TBC1D22A: variants seen among roughly 807,000 people sequenced by gnomAD.
The protein encoded by TBC1D22A is putative GTPase activator.
TBC1D22A carries 38 observed loss-of-function variants against 60.2 expected under a neutral mutation model. The observed-to-expected ratio is 0.63, with a 90% CI of 0.49 to 0.83. The LOEUF (loss-of-function observed/expected upper bound fraction) is 0.83, where lower values mean the gene tolerates loss of function less well. Among genes scored for constraint, TBC1D22A ranks in the 40% least tolerant of loss-of-function variants. The pLI is 0.00. For synonymous variants in TBC1D22A, 302 were observed against 281.7 expected, an observed-to-expected ratio of 1.07 and a Z score of -0.72; for missense variants, 628 against 701.0, an observed-to-expected ratio of 0.90 and a Z score of 1.18.
chr22:46,840,747 A>G (rs1376744008), intron 4 of TBC1D22A, among the ~76,000 whole-genome samples: 1 of 151,696 alleles, frequency 6.6e-6, no homozygotes, highest in Non-Finnish European at 1.5e-5. Flanking sequence ...AAAAAAAAAA[A>G]GACAAATGAT....
chr22:46,950,239 G>A (rs2072816874), intron 8 of TBC1D22A, among the ~76,000 whole-genome samples: 1 of 152,168 alleles, frequency 6.6e-6, no homozygotes, highest in Non-Finnish European at 1.5e-5. Context: ...GAGTGAGAGG[G>A]TAGTTGAAGA....
intron 4 of TBC1D22A, among the ~76,000 whole-genome samples, chr22:46,873,507 A>AATTG (rs1340712282): frequency 6.6e-6 from 1 of 152,178 alleles, no homozygotes; most frequent in Non-Finnish European, 1.5e-5. Context: ...TTAATTAATT[A>AATTG]ATTTACTTAT....
intron 11 of TBC1D22A, among the ~76,000 whole-genome samples, chr22:47,110,466 G>A (rs1327456323): frequency 2.0e-5 from 3 of 152,216 alleles, no homozygotes; most frequent in South Asian, 4.2e-4. Context: ...GCAACAGAGC[G>A]AAATTCCATC....
intron 1 of TBC1D22A, among the ~76,000 whole-genome samples, chr22:46,771,841 C>T (rs1028794309): frequency 6.6e-5 from 10 of 151,924 alleles, no homozygotes; most frequent in Admixed American, 1.3e-4. Context: ...GTGATCCACC[C>T]GCCTCGGCCT....
intron 1 of TBC1D22A, among the ~76,000 whole-genome samples, chr22:46,768,948 G>A (rs971943322): frequency 6.6e-6 from 1 of 151,970 alleles, no homozygotes; most frequent in Non-Finnish European, 1.5e-5. Flanking sequence ...ACAAAAAATA[G>A]CTGGACATTG....
Position 46,797,599 on chromosome 22 carries a change from G to C in TBC1D22A, c.616G>C (p.Ala206Pro), listed in dbSNP as rs771476540. Residue 206 changes from alanine to proline, a missense_variant, in exon 4 of 13, where the codon GCC becomes CCC. By Grantham distance (27) the Ala-to-Pro change is conservative. Coordinates refer to ENST00000337137, the MANE Select transcript of TBC1D22A (RefSeq NM_014346.5). Reference protein sequence around the residue: ...SRLDKFKQLLAGPNTDLEELR... With the variant: ...SRLDKFKQLLPGPNTDLEELR... ...GCTCGACAAGTTCAAGCAGCTGCTT[G>C]CCGGCCCCAACACGGACCTTGGTAA... is the stretch of plus-strand genomic sequence containing the variant. 1 of 1,609,456 alleles carries C rather than the reference G, an allele frequency of 6.2e-7. No homozygotes were observed. Among genetic ancestry groups the C allele is most frequent in the South Asian group, 1.1e-5 (1 of 90,856 alleles).
intron 8 of TBC1D22A, among the ~76,000 whole-genome samples, chr22:46,924,767 A>C (rs558298555): frequency 5.4e-4 from 82 of 152,160 alleles, no homozygotes; most frequent in South Asian, 1.2e-3. Flanking sequence ...AAAAACAAAA[A>C]CATTATATTC....
At chr22:47,059,581 C>T (rs1015090257) in intron 11 of TBC1D22A, among the ~76,000 whole-genome samples, 5 of 152,258 alleles carry the variant, frequency 3.3e-5, no homozygotes, top group Middle Eastern at 3.4e-3. Flanking sequence ...TTGAAGGATT[C>T]CTTAAATTAT....
At chr22:46,963,067 A>G (rs2148065529) in intron 8 of TBC1D22A, among the ~76,000 whole-genome samples, 1 of 151,734 alleles carries the variant, frequency 6.6e-6, no homozygotes, top group South Asian at 2.1e-4. Flanking sequence ...ACAAAAAAAA[A>G]AAAATTAGCT....
rs1027250552 is a variant in TBC1D22A at position 47,062,036 on chromosome 22, C to T, written c.1329+24838C>T. 1.4e-4 allele frequency among the ~76,000 whole-genome samples: 20 copies of T among 144,024 alleles called. No individual in the cohort carries two copies. In the Admixed American group the frequency reaches 1.5e-3, roughly 10 times the overall value. The allele number at this position is 144,024 out of a possible 152,430, so 94.5% of individuals were successfully genotyped here. On this transcript the variant is annotated intron_variant, in intron 11 of 12. Transcript: ENST00000337137. ...CTGGGAGGCAGAGGTTGCAGTGAGC[C>T]CAGATCGCTCTGCTGCACTCCAGCC...
chr22:47,171,806 T>G (rs1476910198), intron 12 of TBC1D22A, among the ~76,000 whole-genome samples: 2 of 152,140 alleles, frequency 1.3e-5, no homozygotes, highest in Non-Finnish European at 2.9e-5. Flanking sequence ...TCAGTGGACG[T>G]AGGTCAGTCT....
At chr22:46,891,004 T>C (rs1016854677) in intron 5 of TBC1D22A, among the ~76,000 whole-genome samples, 3 of 152,018 alleles carry the variant, frequency 2.0e-5, no homozygotes, top group African/African-American at 7.3e-5. Flanking sequence ...TCCAGGTGAG[T>C]GGGGAGGGCC....
chr22:46,958,552 T>C (rs1466170781), intron 8 of TBC1D22A, among the ~76,000 whole-genome samples: 1 of 152,060 alleles, frequency 6.6e-6, no homozygotes, highest in African/African-American at 2.4e-5. Flanking sequence ...TGATGCAGAG[T>C]TAATTCTCCA....
chr22:46,836,811 A>C (rs2086542616), intron 4 of TBC1D22A, among the ~76,000 whole-genome samples: 1 of 152,160 alleles, frequency 6.6e-6, no homozygotes, highest in African/African-American at 2.4e-5. Context: ...ATGATAACAA[A>C]AGAGAGCAGG....
chr22:46,858,419 C>T (rs1031992249), intron 4 of TBC1D22A, among the ~76,000 whole-genome samples: 11 of 151,926 alleles, frequency 7.2e-5, no homozygotes, highest in Admixed American at 4.6e-4. Flanking sequence ...CGACAGCAGG[C>T]AAGCCGCCCT....
At chr22:46,836,921 G>A (rs2147188495) in intron 4 of TBC1D22A, among the ~76,000 whole-genome samples, 1 of 152,150 alleles carries the variant, frequency 6.6e-6, no homozygotes, top group Admixed American at 6.5e-5. Flanking sequence ...TGCTTTGGGA[G>A]GCTGAGGTGG....
At chr22:46,994,261 T>G (rs2075045474) in intron 9 of TBC1D22A, among the ~76,000 whole-genome samples, 1 of 152,218 alleles carries the variant, frequency 6.6e-6, no homozygotes, top group Non-Finnish European at 1.5e-5. Context: ...AATCCTGTCT[T>G]AGTGGGAGAG....
intron 10 of TBC1D22A, among the ~76,000 whole-genome samples, chr22:46,999,378 C>G (rs2075233340): frequency 6.6e-6 from 1 of 152,218 alleles, no homozygotes; most frequent in South Asian, 2.1e-4. Context: ...TGCTTCACAA[C>G]AGAGAAAGAT....
Position 47,174,761 on chromosome 22 carries a change from T to G in TBC1D22A, c.*1135T>G, listed in dbSNP as rs918555040. 6.6e-6 allele frequency: 1 copy of G among 151,870 alleles called. No homozygotes were observed. Among genetic ancestry groups the G allele is most frequent in the Non-Finnish European group, 1.5e-5 (1 of 68,054 alleles). The allele number at this position is 151,870 out of a possible 1,614,324, so 9.4% of individuals were successfully genotyped here. A position where few individuals can be genotyped will look rare whatever the true frequency, so the allele number is the denominator to read the frequency against. ...CCGTGGACCAGTTCCCGCTGTATAC[T>G]GGTTCTGCCCTGGACTGGTTCCCGC... On this transcript the variant is annotated 3_prime_UTR_variant, in exon 13 of 13. Coordinates refer to ENST00000337137, the MANE Select transcript of TBC1D22A (RefSeq NM_014346.5).
Sources: gnomAD v4.1 joint callset for allele counts (sites outside exome capture counted in the v4.1 genomes callset) on GRCh38, gnomAD v4.1.1 for gene constraint, MANE v1.5 for transcripts, NCBI Gene and HGNC (gene_info 2026-07-23, HGNC 2026-07-21) for gene names.